Variants in ASTN2 observed in about 807,000 individuals in gnomAD.
The protein encoded by ASTN2 is astrotactin 2.
In ASTN2, 54 loss-of-function variants were observed where a neutral mutation model predicts 139.8. The observed-to-expected ratio is 0.39, with a 90% CI of 0.31 to 0.48. The LOEUF is 0.48. ASTN2 is among the 20% of genes least tolerant of loss of function. ASTN2 has a pLI of 0.95. For missense variants in ASTN2, 1,565 were observed against 1,725.1 expected (o/e 0.91, Z 1.64); for synonymous variants, 756 against 719.5 (o/e 1.05, Z -0.81).
At chr9:117,086,949 A>G (rs2132735632) in intron 5 of ASTN2, among the ~76,000 whole-genome samples, 1 of 152,246 alleles carries the variant, frequency 6.6e-6, no homozygotes, top group Admixed American at 6.5e-5. Context: ...CTCTGGCTAC[A>G]ATGACTTAGA....
intron 13 of ASTN2, among the ~76,000 whole-genome samples, chr9:116,759,434 G>A (rs1262897743): frequency 6.6e-6 from 1 of 152,110 alleles, no homozygotes; most frequent in African/African-American, 2.4e-5. Flanking sequence ...TTTGCCTGTG[G>A]TCATACAGCT....
At chr9:116,758,089 C>A (rs993317886) in intron 13 of ASTN2, among the ~76,000 whole-genome samples, 1 of 152,080 alleles carries the variant, frequency 6.6e-6, no homozygotes, top group African/African-American at 2.4e-5. Flanking sequence ...AGTTTCCTCC[C>A]CTGTAAAATG....
In ASTN2 at chr9:117,308,673, G is replaced by C. The variant is rs997661510; in HGVS notation, c.443-17160C>G. 2.6e-5 allele frequency among the ~76,000 whole-genome samples: 4 copies of C among 151,698 alleles called. No individual in the cohort carries two copies. The South Asian group carries it at 8.3e-4, about 32-fold the overall frequency. On this transcript the variant is annotated intron_variant, in intron 1 of 22. Coordinates refer to ENST00000313400, the MANE Select transcript of ASTN2 (RefSeq NM_001365068.1). ...AGAGAAAGTTTGGGGAACAAAAGGA[G>C]AAATAGAGTAGGACAGGAGAATGGA...
At chr9:116,933,947 C>T (rs563613641) in intron 10 of ASTN2, among the ~76,000 whole-genome samples, 27 of 134,996 alleles carry the variant, frequency 2.0e-4, no homozygotes, top group African/African-American at 7.0e-4. Context: ...ATGGTGGGGC[C>T]CTGGAGACCT....
At chr9:117,153,776 A>G (rs772362253) in intron 3 of ASTN2, among the ~76,000 whole-genome samples, 8 of 152,124 alleles carry the variant, frequency 5.3e-5, no homozygotes, top group Non-Finnish European at 1.2e-4. Context: ...CAATCACCTG[A>G]AACTAGAGGT....
At chr9:117,221,513 C>G (rs1832516855) in intron 2 of ASTN2, among the ~76,000 whole-genome samples, 1 of 152,212 alleles carries the variant, frequency 6.6e-6, no homozygotes, top group South Asian at 2.1e-4. Context: ...GCCAAGCCAC[C>G]AGGGGATTTG....
chr9:116,917,225 G>A (rs369635195), intron 10 of ASTN2, among the ~76,000 whole-genome samples: 1 of 151,752 alleles, frequency 6.6e-6, no homozygotes, highest in Non-Finnish European at 1.5e-5. Flanking sequence ...CCTCTCCATA[G>A]GTCCCTTGAT....
intron 22 of ASTN2, among the ~76,000 whole-genome samples, chr9:116,435,010 CCTCAA>C (rs1444188991): frequency 6.6e-6 from 1 of 152,178 alleles, no homozygotes; most frequent in Non-Finnish European, 1.5e-5. Context: ...TTATATCAGT[CCTCAA>C]AGTACTCCTG....
chr9:117,235,295 A>G (rs1833013664), intron 2 of ASTN2, among the ~76,000 whole-genome samples: 1 of 152,006 alleles, frequency 6.6e-6, no homozygotes, highest in South Asian at 2.1e-4. Flanking sequence ...CCCCTATTGC[A>G]TGTCATTTAT....
chr9:116,658,981 A>G (rs994968188), intron 16 of ASTN2, among the ~76,000 whole-genome samples: 1 of 152,086 alleles, frequency 6.6e-6, no homozygotes, highest in Non-Finnish European at 1.5e-5. Flanking sequence ...AAGTGATAAT[A>G]GATTAGATGT....
chr9:116,443,160 C>T (rs1007145783), intron 20 of ASTN2, among the ~76,000 whole-genome samples: 8 of 152,134 alleles, frequency 5.3e-5, no homozygotes, highest in Non-Finnish European at 1.2e-4. Context: ...GGATGTAGCC[C>T]ATGAAAGCCT....
chr9:117,346,507 A>G (rs1368815965), intron 1 of ASTN2, among the ~76,000 whole-genome samples: 2 of 152,194 alleles, frequency 1.3e-5, no homozygotes, highest in Non-Finnish European at 2.9e-5. Context: ...TATTTGCTAC[A>G]ATCCTATTAT....
intron 1 of ASTN2, among the ~76,000 whole-genome samples, chr9:117,363,756 G>A (rs781336801): frequency 6.6e-6 from 1 of 152,152 alleles, no homozygotes; most frequent in Non-Finnish European, 1.5e-5. Context: ...CCCAGGACAT[G>A]ATGTAGAGAG....
At chr9:116,577,458 G>A (rs947294383) in intron 19 of ASTN2, among the ~76,000 whole-genome samples, 3 of 151,324 alleles carry the variant, frequency 2.0e-5, no homozygotes, top group African/African-American at 7.3e-5. Flanking sequence ...TGAGCCCGGG[G>A]GAGGTCAAGG....
chr9:117,130,959 C>T (rs1386974018), intron 4 of ASTN2, among the ~76,000 whole-genome samples: 2 of 152,218 alleles, frequency 1.3e-5, no homozygotes, highest in African/African-American at 2.4e-5. Context: ...CATATCCTCA[C>T]TATGTTTAAT....
At chr9:117,004,514 C>T (rs541499188) in intron 7 of ASTN2, among the ~76,000 whole-genome samples, 1 of 152,264 alleles carries the variant, frequency 6.6e-6, no homozygotes, top group South Asian at 2.1e-4. Context: ...AATCATGGCC[C>T]TACCTGGCAG....
At chr9:116,930,886 C>T (rs531625205) in intron 10 of ASTN2, among the ~76,000 whole-genome samples, 1 of 152,192 alleles carries the variant, frequency 6.6e-6, no homozygotes, top group African/African-American at 2.4e-5. Flanking sequence ...ATGGATTCTC[C>T]TTCACCAATG....
At chr9:117,371,434 T>C (rs1244507176) in intron 1 of ASTN2, among the ~76,000 whole-genome samples, 1 of 152,198 alleles carries the variant, frequency 6.6e-6, no homozygotes, top group Admixed American at 6.5e-5. Flanking sequence ...CGTAGTGCTA[T>C]TCCTGTAAAG....
chr9:116,948,785 G>GTTTTTTTTTTTTTTTTTT lies in ASTN2; in HGVS notation c.1889+26405_1889+26422dup, dbSNP rs58832163. On this transcript the variant is annotated intron_variant, in intron 10 of 22. Coordinates refer to ENST00000313400, the MANE Select transcript of ASTN2 (RefSeq NM_001365068.1). ...AGAGAGAGGAGAGAAATAATTTGGT[G>GTTTTTTTTTTTTTTTTTT]TTTTTTTTTTTTTTTTTTTTTTTTT... 3.5e-3 allele frequency among the ~76,000 whole-genome samples: 171 copies of GTTTTTTTTTTTTTTTTTT among 49,454 alleles called. 37 individuals are homozygous for GTTTTTTTTTTTTTTTTTT. Among genetic ancestry groups the GTTTTTTTTTTTTTTTTTT allele is most frequent in the Middle Eastern group, 0.059 (2 of 34 alleles). 32.4% of individuals were successfully genotyped at this position (49,454 alleles called of 152,430 possible).
Sources: gnomAD v4.1 joint callset for allele counts (sites outside exome capture counted in the v4.1 genomes callset) on GRCh38, gnomAD v4.1.1 for gene constraint, MANE v1.5 for transcripts, NCBI Gene and HGNC (gene_info 2026-07-23, HGNC 2026-07-21) for gene names.